Variants in NAA20 observed in about 807,000 individuals in gnomAD.
The protein encoded by NAA20 is N-alpha-acetyltransferase 20.
Under a neutral mutation model 23.8 loss-of-function variants are expected in NAA20, and 24 were observed. The ratio of observed to expected loss-of-function variants is 1.01; its 90% confidence interval spans 0.73 to 1.42. The LOEUF (loss-of-function observed/expected upper bound fraction) is 1.42, where lower values mean the gene tolerates loss of function less well. Among genes scored for constraint, NAA20 ranks in the 40% most tolerant of loss-of-function variants. NAA20 has a pLI of 0.00. For synonymous variants in NAA20, 83 were observed against 77.7 expected, an observed-to-expected ratio of 1.07 and a Z score of -0.36; for missense variants, 166 against 223.1, an observed-to-expected ratio of 0.74 and a Z score of 1.63.
intron 3 of NAA20, among the ~76,000 whole-genome samples, chr20:20,025,995 TAA>T (rs34483428): frequency 5.5e-5 from 8 of 145,506 alleles, no homozygotes; most frequent in Non-Finnish European, 1.1e-4. Flanking sequence ...TCTTTCATTC[TAA>T]AAAAAAAAAA....
At chr20:20,017,318 G>T (rs1021314894), upstream of NAA20, 291 of 1,582,240 alleles carry the variant, frequency 1.8e-4, no homozygotes, top group Admixed American at 3.0e-4. Context: ...TCGGTTCCGC[G>T]GCGGCCACGC....
chr20:20,021,525 G>A (rs1319788225), intron 1 of NAA20, among the ~76,000 whole-genome samples: 2 of 152,094 alleles, frequency 1.3e-5, no homozygotes, highest in African/African-American at 4.8e-5. Flanking sequence ...AGGTATTTGT[G>A]TTAACGTGTA....
Position 20,020,865 on chromosome 20 carries a change from T to A in NAA20, c.54-1591T>A, listed in dbSNP as rs185586008. Among the ~76,000 whole-genome samples the A allele has an allele frequency of 7.2e-5, 11 of 152,152 alleles. No homozygotes were observed. The East Asian group carries it at 1.9e-3, about 27-fold the overall frequency. On this transcript the variant is annotated intron_variant, in intron 1 of 5. Transcript: ENST00000334982. Reference sequence around the variant, plus strand: ...AGCTGATGGCTCAGTGCACATCATATTTGTACATTTCTTCCAGGAAAGAGA... The same window carrying A: ...AGCTGATGGCTCAGTGCACATCATAATTGTACATTTCTTCCAGGAAAGAGA...
intron 5 of NAA20, 118 bp downstream of exon 5, chr20:20,032,771 T>C (rs1439533560): frequency 7.8e-7 from 1 of 1,286,874 alleles, no homozygotes; most frequent in Non-Finnish European, 1.0e-6. Context: ...AATTTAAATT[T>C]CCCTCAACCT....
At chr20:20,019,463 A>G (rs990707363) in intron 1 of NAA20, among the ~76,000 whole-genome samples, 3 of 152,230 alleles carry the variant, frequency 2.0e-5, no homozygotes, top group Non-Finnish European at 4.4e-5. Flanking sequence ...GGAAAGGACA[A>G]CAGTTTTACA....
chr20:20,031,395 T>A (rs1483291302), intron 4 of NAA20, among the ~76,000 whole-genome samples: 2 of 152,106 alleles, frequency 1.3e-5, no homozygotes, highest in Admixed American at 6.6e-5. Context: ...GAAAAAAAAA[T>A]TTCCCAGATT....
intron 4 of NAA20, among the ~76,000 whole-genome samples, 169 bp downstream of exon 4, chr20:20,027,088 T>A (rs1308230445): frequency 1.3e-5 from 2 of 152,228 alleles, no homozygotes; most frequent in Non-Finnish European, 2.9e-5. Context: ...ATTGTTTCTA[T>A]TTTGCCATTG....
In NAA20 at chr20:20,017,972, G is replaced by A; in HGVS notation, c.53+523G>A. On this transcript the variant is annotated intron_variant, in intron 1 of 5. Transcript: ENST00000334982. Reference sequence around the variant, plus strand: ...ATCGTGAAGCCCACCTGGTGGCCGTGGTTAAATTGTATCCAAATGAAATGA... The same window carrying A: ...ATCGTGAAGCCCACCTGGTGGCCGTAGTTAAATTGTATCCAAATGAAATGA... 5 of 1,614,054 alleles carry A rather than the reference G, an allele frequency of 3.1e-6. No homozygotes were observed. The Admixed American group carries it at 6.7e-5, about 22-fold the overall frequency.
At chr20:20,024,851 C>T (rs181794198) in intron 2 of NAA20, among the ~76,000 whole-genome samples, 34 of 152,204 alleles carry the variant, frequency 2.2e-4, no homozygotes, top group East Asian at 1.9e-4. Flanking sequence ...GAATTTCGCA[C>T]GGAACAGGTT....
chr20:20,018,011 G>A (rs1281540619), intron 1 of NAA20: 1 of 1,614,194 alleles, frequency 6.2e-7, no homozygotes, highest in Non-Finnish European at 8.5e-7. Flanking sequence ...TGATCACTGC[G>A]TCCCCTGCAG....
intron 1 of NAA20, among the ~76,000 whole-genome samples, chr20:20,019,105 C>T (rs1238270907): frequency 2.0e-5 from 3 of 152,198 alleles, no homozygotes; most frequent in Non-Finnish European, 2.9e-5. Context: ...ACCCTTGAAT[C>T]GGAACCACTT....
At chr20:20,032,687 G>A in intron 5 of NAA20, 34 bp downstream of exon 5, 1 of 1,539,092 alleles carries the variant, frequency 6.5e-7, no homozygotes, top group South Asian at 1.3e-5. Flanking sequence ...TCCCCAAGAA[G>A]TCGAAACAGT....
intron 5 of NAA20, 59 bp from the exon 6 acceptor site, chr20:20,033,043 C>A: frequency 7.5e-7 from 1 of 1,340,954 alleles, no homozygotes; most frequent in Non-Finnish European, 1.1e-6. Context: ...TACCTATACA[C>A]TTTACATTTG....
intron 2 of NAA20, among the ~76,000 whole-genome samples, chr20:20,025,018 A>G (rs1481196555): frequency 6.6e-6 from 1 of 152,252 alleles, no homozygotes; most frequent in Non-Finnish European, 1.5e-5. Flanking sequence ...GTCAGTAAGG[A>G]TATCCCAAGG....
At chr20:20,026,998 T>TAAAG in intron 4 of NAA20, 79 bp downstream of exon 4, 1 of 1,568,116 alleles carries the variant, frequency 6.4e-7, no homozygotes, top group Non-Finnish European at 8.8e-7. Context: ...TGAATAACTG[T>TAAAG]CATGCTTTAC....
intron 1 of NAA20, among the ~76,000 whole-genome samples, chr20:20,021,432 T>G (rs1366575040): frequency 1.3e-5 from 2 of 152,232 alleles, no homozygotes; most frequent in African/African-American, 4.8e-5. Context: ...AGCAGGACGT[T>G]GCAGAATTGT....
intron 1 of NAA20, among the ~76,000 whole-genome samples, chr20:20,020,395 G>A (rs1023134301): frequency 2.0e-4 from 31 of 152,184 alleles, no homozygotes; most frequent in Admixed American, 6.5e-5. Flanking sequence ...ATGAACACTG[G>A]GGGCCAGGGG....
chr20:20,019,817 C>T (rs1324133230), intron 1 of NAA20, among the ~76,000 whole-genome samples: 4 of 152,188 alleles, frequency 2.6e-5, no homozygotes, highest in African/African-American at 7.2e-5. Context: ...AACTCCCAGG[C>T]TCAAGTGATT....
chr20:20,028,202 C>T (rs1046694215), intron 4 of NAA20, among the ~76,000 whole-genome samples: 20 of 152,214 alleles, frequency 1.3e-4, no homozygotes, highest in African/African-American at 4.6e-4. Context: ...TTATAGTTTA[C>T]ACACATTTAT....
Sources: allele counts gnomAD v4.1 joint callset (sites outside exome capture counted in the v4.1 genomes callset), GRCh38; gene constraint gnomAD v4.1.1; transcripts MANE v1.5; gene names NCBI Gene and HGNC (gene_info 2026-07-23, HGNC 2026-07-21).